The following PPFIBP1 variants were observed in gnomAD, a reference collection of about 807,000 sequenced individuals.
The protein encoded by PPFIBP1 is liprin-beta-1.
Under a neutral mutation model 137.8 loss-of-function variants are expected in PPFIBP1, and 112 were observed. The observed-to-expected ratio is 0.81, with a 90% CI of 0.70 to 0.95. PPFIBP1 has a LOEUF of 0.95. PPFIBP1 is among the 40% of genes least tolerant of loss of function. PPFIBP1 has a pLI of 0.00. For synonymous variants in PPFIBP1, 378 were observed against 417.3 expected (o/e 0.91, Z 1.15); for missense variants, 1,083 against 1,196.6 (o/e 0.91, Z 1.40).
At chr12:27,652,918 A>G (rs545474060) in intron 7 of PPFIBP1, among the ~76,000 whole-genome samples, 1 of 152,320 alleles carries the variant, frequency 6.6e-6, no homozygotes, top group African/African-American at 2.4e-5. Context: ...GAGGAATCAC[A>G]AATATGTTGC....
At chr12:27,649,385 G>T (rs1186605554) in intron 6 of PPFIBP1, among the ~76,000 whole-genome samples, 2 of 152,104 alleles carry the variant, frequency 1.3e-5, no homozygotes, top group African/African-American at 4.8e-5. Flanking sequence ...ACCGGTGCCT[G>T]GCACATAGCA....
chr12:27,592,247 T>C (rs1446665439), intron 2 of PPFIBP1, among the ~76,000 whole-genome samples: 1 of 152,108 alleles, frequency 6.6e-6, no homozygotes, highest in African/African-American at 2.4e-5. Context: ...GCAATGGAGT[T>C]CAAAGGCACA....
chr12:27,600,391 G>A (rs140803849), intron 2 of PPFIBP1, among the ~76,000 whole-genome samples: 3,292 of 151,480 alleles, frequency 0.022, 311 homozygotes, highest in Admixed American at 0.17. Flanking sequence ...AGCTGAGATC[G>A]GGCCACTGCA....
At chr12:27,575,711 G>C (rs1340037835) in intron 1 of PPFIBP1, among the ~76,000 whole-genome samples, 1 of 152,124 alleles carries the variant, frequency 6.6e-6, no homozygotes. Flanking sequence ...ATTTCACTAA[G>C]GGTTTTTCTT....
At chr12:27,554,380 T>A (rs1309592159) in intron 1 of PPFIBP1, among the ~76,000 whole-genome samples, 1 of 152,236 alleles carries the variant, frequency 6.6e-6, no homozygotes, top group Non-Finnish European at 1.5e-5. Flanking sequence ...AATTTAGAAG[T>A]GCTCACTACA....
At chr12:27,551,975 C>T (rs1040840704) in intron 1 of PPFIBP1, among the ~76,000 whole-genome samples, 2 of 152,186 alleles carry the variant, frequency 1.3e-5, no homozygotes, top group Admixed American at 6.5e-5. Context: ...GTTCCAGGTC[C>T]GTGTCTGCCC....
At chr12:27,654,667 A>G in intron 7 of PPFIBP1, 55 bp from the exon 8 acceptor site, 3 of 1,579,480 alleles carry the variant, frequency 1.9e-6, no homozygotes, top group Non-Finnish European at 2.6e-6. Flanking sequence ...TTTTATAGGT[A>G]TAGGTAACTG....
chr12:27,537,510 A>G (rs1592313058), intron 1 of PPFIBP1, among the ~76,000 whole-genome samples: 1 of 152,094 alleles, frequency 6.6e-6, no homozygotes. Flanking sequence ...GCCTACTCCA[A>G]AGCTTTCTTT....
intron 2 of PPFIBP1, among the ~76,000 whole-genome samples, chr12:27,599,009 C>CA (rs1405771478): frequency 2.6e-5 from 4 of 152,168 alleles, no homozygotes; most frequent in Admixed American, 2.0e-4. Flanking sequence ...CCAATAATAA[C>CA]TAAGAATTGG....
At chr12:27,593,852 G>C in intron 2 of PPFIBP1, 1 of 1,403,570 alleles carries the variant, frequency 7.1e-7, no homozygotes, top group Non-Finnish European at 9.5e-7. Flanking sequence ...TATCCTTTCA[G>C]TCCCCCATGC....
intron 11 of PPFIBP1, among the ~76,000 whole-genome samples, chr12:27,661,916 G>A (rs893848558): frequency 2.7e-5 from 4 of 150,602 alleles, no homozygotes; most frequent in Non-Finnish European, 5.9e-5. Flanking sequence ...TCCCACTATT[G>A]AATAAAAAAA....
At chr12:27,604,851 G>A (rs10842951) in intron 2 of PPFIBP1, among the ~76,000 whole-genome samples, 28,869 of 152,192 alleles carry the variant, frequency 0.19, 3,064 homozygotes, top group South Asian at 0.37. Context: ...TGTGGCTGGG[G>A]AGGCCTCACA....
chr12:27,535,546 G>A (rs974223695), intron 1 of PPFIBP1, among the ~76,000 whole-genome samples: 1 of 151,500 alleles, frequency 6.6e-6, no homozygotes, highest in Non-Finnish European at 1.5e-5. Context: ...CCAAGTAGCT[G>A]GAACTACAGA....
intron 11 of PPFIBP1, 113 bp from the exon 12 acceptor site, chr12:27,664,249 C>G (rs1422595912): frequency 1.4e-6 from 1 of 691,958 alleles, no homozygotes; most frequent in African/African-American, 1.8e-5. Flanking sequence ...GCTCTCTCGG[C>G]AGAATCATGC....
chr12:27,676,798 T>A, intron 18 of PPFIBP1, 199 bp downstream of exon 18: 1 of 692,342 alleles, frequency 1.4e-6, no homozygotes. Context: ...CTCACCCTGC[T>A]CTCTCCTGTG....
chr12:27,540,344 A>C (rs1945514956), intron 1 of PPFIBP1, among the ~76,000 whole-genome samples: 1 of 151,942 alleles, frequency 6.6e-6, no homozygotes, highest in African/African-American at 2.4e-5. Context: ...TGGCGTAGTT[A>C]GCTGGTACCC....
intron 16 of PPFIBP1, 117 bp downstream of exon 16, chr12:27,673,944 G>A (rs1376250826): frequency 1.1e-6 from 1 of 921,910 alleles, no homozygotes; most frequent in African/African-American, 1.7e-5. Context: ...GTGGTTTTTA[G>A]TGGAAAATTA....
At chr12:27,597,444 G>A (rs1359032768) in intron 2 of PPFIBP1, among the ~76,000 whole-genome samples, 3 of 152,042 alleles carry the variant, frequency 2.0e-5, no homozygotes, top group Non-Finnish European at 2.9e-5. Flanking sequence ...GTGAGCCACC[G>A]CGACCGGCCA....
chr12:27,658,336 C>T (rs146521773), intron 9 of PPFIBP1, among the ~76,000 whole-genome samples: 1 of 152,188 alleles, frequency 6.6e-6, no homozygotes, highest in South Asian at 2.1e-4. Context: ...GGGATAGCAT[C>T]TAACTGCATC....
Sources: allele counts gnomAD v4.1 joint callset (sites outside exome capture counted in the v4.1 genomes callset), GRCh38; gene constraint gnomAD v4.1.1; transcripts MANE v1.5; gene names NCBI Gene and HGNC (gene_info 2026-07-23, HGNC 2026-07-21).